The following PHACTR2 variants were observed in gnomAD, a reference collection of about 807,000 sequenced individuals.
PHACTR2 encodes the protein phosphatase and actin regulator 2.
In PHACTR2, 30 loss-of-function variants were observed where a neutral mutation model predicts 76.0. The ratio of observed to expected loss-of-function variants is 0.39; its 90% confidence interval spans 0.30 to 0.54. PHACTR2 has a LOEUF of 0.54. Ranked by LOEUF, PHACTR2 falls within the 20% of genes least tolerant of loss-of-function variation. The pLI is 0.61. For missense variants in PHACTR2, 696 were observed against 781.1 expected, an observed-to-expected ratio of 0.89 and a Z score of 1.30; for synonymous variants, 292 against 292.5, an observed-to-expected ratio of 1.00 and a Z score of 0.02.
In PHACTR2 at chr6:143,826,636, A is replaced by G. The variant is rs541814260; in HGVS notation, c.*2947A>G. 2 of 152,330 alleles carry G rather than the reference A, an allele frequency of 1.3e-5. No individual in the cohort carries two copies. The highest frequency in any genetic ancestry group is 2.9e-5 in the Non-Finnish European group (2 of 68,032). 9.4% of individuals were successfully genotyped at this position (152,330 alleles called of 1,614,324 possible). On this transcript the variant is annotated 3_prime_UTR_variant, in exon 13 of 13. Transcript: ENST00000440869. ...ATATTAGGGTATTAAGAAGATGCTC[A>G]GCAAGCTTGATCAGAATCTTCATGG... is the stretch of plus-strand genomic sequence containing the variant.
chr6:143,810,764 G>A (rs1290128249), intron 12 of PHACTR2, among the ~76,000 whole-genome samples: 1 of 151,908 alleles, frequency 6.6e-6, no homozygotes, highest in Admixed American at 6.5e-5. Flanking sequence ...CCCAGGAAAT[G>A]GAGGCTGCAG....
At chr6:143,586,871 C>T (rs1357979110) in intron 1 of PHACTR2, among the ~76,000 whole-genome samples, 3 of 152,138 alleles carry the variant, frequency 2.0e-5, no homozygotes, top group Non-Finnish European at 4.4e-5. Flanking sequence ...GAGCCCCAGC[C>T]TTTGAAGTCG....
chr6:143,580,346 T>C lies in PHACTR2; in HGVS notation c.217+43139T>C, dbSNP rs6907272. Among the ~76,000 whole-genome samples, 42,893 of 151,952 alleles carry C rather than the reference T, an allele frequency of 0.28. 6,067 individuals carry two copies. Among genetic ancestry groups the C allele is most frequent in the Middle Eastern group, 0.41 (121 of 294 alleles). On this transcript the variant is annotated intron_variant, in intron 1 of 11. Coordinates refer to the PHACTR2 transcript ENST00000367584. This position sits in a 1 kb window ranked among gnomAD's most constrained non-coding sequence, Gnocchi z 4.2. ...TAAAAATACAAAAAATTAGCCCGGCTTGGTGGCGGGCGCCTGTAGTCCCAG... is the reference window on the plus strand; with the variant it reads ...TAAAAATACAAAAAATTAGCCCGGCCTGGTGGCGGGCGCCTGTAGTCCCAG...
rs1308797028 is a variant in PHACTR2 at position 143,695,377 on chromosome 6, A to G, written c.47-16639A>G. 6.6e-6 allele frequency among the ~76,000 whole-genome samples: 1 copy of G among 152,218 alleles called. No individual in the cohort carries two copies. The highest frequency in any genetic ancestry group is 1.5e-5 in the Non-Finnish European group (1 of 68,032). ...TCTGAGGAAGGTTAAAAGTCATAGAATATTGGTGTTCTTCCAAGTTGAGAA... is the reference window on the plus strand; with the variant it reads ...TCTGAGGAAGGTTAAAAGTCATAGAGTATTGGTGTTCTTCCAAGTTGAGAA... On this transcript the variant is annotated intron_variant, in intron 1 of 12. Transcript: ENST00000440869. This position sits in a 1 kb window ranked among gnomAD's most constrained non-coding sequence, Gnocchi z 4.4.
At position 143,589,747 on chromosome 6, in the gene PHACTR2, G is replaced by A. The variant is rs933148598; in HGVS notation, c.217+52540G>A. ...AAATACAGTCACATTTCAAGGTCCT[G>A]GAAGCCAGGGCTTCAACATATAAAT... On this transcript the variant is annotated intron_variant, in intron 1 of 11. Transcript: ENST00000367584. This position sits in a 1 kb window ranked among gnomAD's most constrained non-coding sequence, Gnocchi z 4.4. 2.0e-5 allele frequency among the ~76,000 whole-genome samples: 3 copies of A among 152,148 alleles called. No individual in the cohort carries two copies. Among genetic ancestry groups the A allele is most frequent in the Admixed American group, 2.0e-4 (3 of 15,262 alleles).
chr6:143,711,188 T>C (rs1778170421), intron 1 of PHACTR2: 1 of 357,226 alleles, frequency 2.8e-6, no homozygotes, highest in African/African-American at 2.2e-5. Context: ...AAAAAACTAC[T>C]GTTTTGATTT....
rs1486814817 is a variant in PHACTR2 at position 143,803,171 on chromosome 6, T to A, written c.1846-3886T>A. Among the ~76,000 whole-genome samples the A allele has an allele frequency of 6.6e-6, 1 of 152,188 alleles. No individual in the cohort carries two copies. Among genetic ancestry groups the A allele is most frequent in the Non-Finnish European group, 1.5e-5 (1 of 68,022 alleles). The stretch of plus-strand genomic sequence containing the variant: ...CCTCATCCTGTTTAGAGAAAGAAAG[T>A]GCACCTCGCTGCCAGTGCTGATTTA... On this transcript the variant is annotated intron_variant, in intron 11 of 12. Transcript: ENST00000440869. The surrounding 1 kb of genome is among the most constrained non-coding windows in gnomAD (Gnocchi z 4.7).
At chr6:143,555,277 A>G (rs914837054) in intron 1 of PHACTR2, 1 of 152,182 alleles carries the variant, frequency 6.6e-6, no homozygotes, top group Non-Finnish European at 1.5e-5. Flanking sequence ...AGGTCATATT[A>G]CTGAGAACAC....
chr6:143,748,898 T>C, intron 2 of PHACTR2, 87 bp from the exon 3 acceptor site: 1 of 715,614 alleles, frequency 1.4e-6, no homozygotes, highest in Middle Eastern at 2.7e-4. Flanking sequence ...GTGAGGAGAA[T>C]AAATGTGCTC....
chr6:143,591,619 C>A lies in PHACTR2; in HGVS notation c.217+54412C>A, dbSNP rs912822199. Among the ~76,000 whole-genome samples the A allele has an allele frequency of 5.3e-5, 8 of 152,218 alleles. No homozygotes were observed. The highest frequency in any genetic ancestry group is 1.7e-4 in the African/African-American group (7 of 41,450). On this transcript the variant is annotated intron_variant, in intron 1 of 11. Coordinates refer to the PHACTR2 transcript ENST00000367584. This position sits in a 1 kb window ranked among gnomAD's most constrained non-coding sequence, Gnocchi z 6.4. The stretch of plus-strand genomic sequence containing the variant: ...ATGACACAACAGTGACCTCCATGAA[C>A]CTCTTGCCTAGGGCTGTGAAGGCCA...
intron 2 of PHACTR2, among the ~76,000 whole-genome samples, chr6:143,715,800 G>A (rs761627): frequency 0.47 from 71,923 of 151,950 alleles, 17,416 homozygotes; most frequent in Middle Eastern, 0.57. Flanking sequence ...TTTGAACCAC[G>A]GAGTTCTTTG....
upstream of PHACTR2, among the ~76,000 whole-genome samples, chr6:143,603,732 T>C (rs1329344826): frequency 1.3e-5 from 2 of 152,248 alleles, no homozygotes; most frequent in African/African-American, 4.8e-5. Context: ...TGGAGAGCTA[T>C]ATATCCAAGC....
Position 143,760,714 on chromosome 6 carries a change from C to T in PHACTR2, c.694+74C>T. 1 of 1,530,966 alleles carries T rather than the reference C, an allele frequency of 6.5e-7. No individual in the cohort carries two copies. The allele number at this position is 1,530,966 out of a possible 1,614,324, so 94.8% of individuals were successfully genotyped here. ...TCTGGGATGGGGCTAATTGTTTCTT[C>T]TAGGTGTGATGGGCTTTTGGTGTCT... On this transcript the variant is annotated intron_variant, in intron 5 of 12. Transcript: ENST00000440869. The surrounding 1 kb of genome is among the most constrained non-coding windows in gnomAD (Gnocchi z 6.4).
chr6:143,567,054 G>A (rs146121356), intron 1 of PHACTR2, among the ~76,000 whole-genome samples: 20 of 152,152 alleles, frequency 1.3e-4, no homozygotes, highest in Middle Eastern at 3.4e-3. Context: ...ACTCAGTTCC[G>A]TGTTCCTCAT....
At chr6:143,711,740 T>A (rs1778179933) in intron 1 of PHACTR2, 3 of 630,578 alleles carry the variant, frequency 4.8e-6, no homozygotes, top group Non-Finnish European at 9.0e-6. Flanking sequence ...TCAGCTGTGT[T>A]GCACAGACAC....
rs1315915450 is a variant in PHACTR2 at position 143,816,024 on chromosome 6, C to T, written c.1923-7650C>T. On this transcript the variant is annotated intron_variant, in intron 12 of 12. Transcript: ENST00000440869. This position sits in a 1 kb window ranked among gnomAD's most constrained non-coding sequence, Gnocchi z 4.5. ...ACTTAAAAATAGCTTTTCCCCCATT[C>T]CCTCCCTCTCAACAGTATGAAAATA... 6.6e-6 allele frequency among the ~76,000 whole-genome samples: 1 copy of T among 152,008 alleles called. No homozygotes were observed. Among genetic ancestry groups the T allele is most frequent in the Non-Finnish European group, 1.5e-5 (1 of 67,988 alleles).
chr6:143,772,597 G>A lies in PHACTR2; in HGVS notation c.1432+140G>A, dbSNP rs1775182953. On this transcript the variant is annotated intron_variant, in intron 7 of 12. Coordinates refer to ENST00000440869, the MANE Select transcript of PHACTR2 (RefSeq NM_001100164.2). This position sits in a 1 kb window ranked among gnomAD's most constrained non-coding sequence, Gnocchi z 5.4. Reference sequence around the variant, plus strand: ...CATCCTCCTTTCTCAAATTAGAAATGTGTATATCCTAAAGTTTAGCTTTTG... The same window carrying A: ...CATCCTCCTTTCTCAAATTAGAAATATGTATATCCTAAAGTTTAGCTTTTG... 6.1e-6 allele frequency: 4 copies of A among 661,152 alleles called. No homozygotes were observed. Among genetic ancestry groups the A allele is most frequent in the African/African-American group, 1.8e-5 (1 of 54,834 alleles). 41.0% of individuals were successfully genotyped at this position (661,152 alleles called of 1,614,324 possible).
rs1415789365 is a variant in PHACTR2, at chr6:143,659,130, G to A, written c.13+50808G>A. Among the ~76,000 whole-genome samples, 1 of 152,048 alleles carries A rather than the reference G, an allele frequency of 6.6e-6. No individual in the cohort carries two copies. The highest frequency in any genetic ancestry group is 1.9e-4 in the East Asian group (1 of 5,198). On this transcript the variant is annotated intron_variant, in intron 1 of 11. Transcript: ENST00000305766. This position sits in a 1 kb window ranked among gnomAD's most constrained non-coding sequence, Gnocchi z 5.0. ...CTAGGTAAGTCTGTGAGTGAGTGAT[G>A]GGTGAATGTGAAAGCCTTGGATATT...
Position 143,688,714 on chromosome 6 carries a change from C to T in PHACTR2, c.46+10505C>T, listed in dbSNP as rs968624941. 2.6e-5 allele frequency among the ~76,000 whole-genome samples: 4 copies of T among 152,280 alleles called. No individual in the cohort carries two copies. Among genetic ancestry groups the T allele is most frequent in the Admixed American group, 6.5e-5 (1 of 15,306 alleles). On this transcript the variant is annotated intron_variant, in intron 1 of 12. Transcript: ENST00000440869. The surrounding 1 kb of genome is among the most constrained non-coding windows in gnomAD (Gnocchi z 5.2). ...AATATATCTCAAGTCCATGCTCTTC[C>T]GTCTGTCCCTACTGCCACCGTCCAA...
Sources: allele counts gnomAD v4.1 joint callset (sites outside exome capture counted in the v4.1 genomes callset), GRCh38; gene constraint gnomAD v4.1.1; non-coding constraint Gnocchi (gnomAD v3.1); transcripts MANE v1.5; gene names NCBI Gene and HGNC (gene_info 2026-07-23, HGNC 2026-07-21).